The following GNG7 variants were observed in gnomAD, a reference collection of about 807,000 sequenced individuals.
GNG7 encodes the protein guanine nucleotide-binding protein G(I)/G(S)/G(O) subunit gamma-7.
In GNG7, 1 loss-of-function variant was observed where a neutral mutation model predicts 4.0. That is an observed-to-expected ratio of 0.25 (90% CI 0.09 to 1.18). The LOEUF (loss-of-function observed/expected upper bound fraction) is 1.18, where lower values mean the gene tolerates loss of function less well. Among genes scored for constraint, GNG7 ranks in the 50% most tolerant of loss-of-function variants. GNG7 has a pLI of 0.50. For missense variants in GNG7, 86 were observed against 91.9 expected (o/e 0.94, Z 0.26); for synonymous variants, 34 against 36.9 (o/e 0.92, Z 0.29).
At chr19:2,639,231 CA>C (rs61023034) in intron 2 of GNG7, among the ~76,000 whole-genome samples, 247 of 141,606 alleles carry the variant, frequency 1.7e-3, no homozygotes, top group Middle Eastern at 7.2e-3. Context: ...GAGACTCTGT[CA>C]AAAAAAAAAA....
intron 2 of GNG7, among the ~76,000 whole-genome samples, chr19:2,571,766 T>C (rs1476799815): frequency 3.3e-5 from 5 of 151,888 alleles, no homozygotes; most frequent in Non-Finnish European, 5.9e-5. Context: ...TGGCTAATTT[T>C]TGTATTTTCA....
At chr19:2,559,498 C>T (rs1979670609) in intron 2 of GNG7, among the ~76,000 whole-genome samples, 1 of 150,934 alleles carries the variant, frequency 6.6e-6, no homozygotes, top group Non-Finnish European at 1.5e-5. Context: ...ATTACAGGCA[C>T]CCACCACCAT....
chr19:2,599,453 G>C (rs1018758195), intron 2 of GNG7, among the ~76,000 whole-genome samples: 1 of 152,072 alleles, frequency 6.6e-6, no homozygotes, highest in Non-Finnish European at 1.5e-5. Flanking sequence ...TTTCCAGGAG[G>C]TGGAGGTGCG....
chr19:2,551,000 C>T (rs77079009), intron 3 of GNG7, among the ~76,000 whole-genome samples: 5,238 of 152,224 alleles, frequency 0.034, 119 homozygotes, highest in Non-Finnish European at 0.052. Context: ...CTCTTGTCAT[C>T]CCTCCCAGCA....
intron 1 of GNG7, among the ~76,000 whole-genome samples, chr19:2,663,490 C>T (rs1219173224): frequency 2.0e-5 from 3 of 152,092 alleles, no homozygotes; most frequent in African/African-American, 7.2e-5. Flanking sequence ...CGTTAAGAAA[C>T]AAATCTCTAT....
intron 3 of GNG7, 150 bp from the exon 4 acceptor site, chr19:2,520,875 T>C: frequency 1.8e-6 from 1 of 570,596 alleles, no homozygotes; most frequent in Non-Finnish European, 3.2e-6. Flanking sequence ...TACAAAGAGC[T>C]GGCACTCGTT....
intron 1 of GNG7, among the ~76,000 whole-genome samples, chr19:2,701,687 C>T (rs2144666678): frequency 6.6e-6 from 1 of 150,538 alleles, no homozygotes; most frequent in Admixed American, 6.6e-5. Context: ...CCAATGAACC[C>T]CACTTCAAAC....
chr19:2,558,121 G>A (rs185427370), intron 2 of GNG7, among the ~76,000 whole-genome samples: 6 of 152,068 alleles, frequency 3.9e-5, no homozygotes, highest in East Asian at 1.9e-4. Flanking sequence ...GATTACAGGC[G>A]TGAGCCACCG....
chr19:2,571,092 G>A (rs183229571), intron 2 of GNG7, among the ~76,000 whole-genome samples: 7 of 152,040 alleles, frequency 4.6e-5, no homozygotes, highest in East Asian at 3.9e-4. Context: ...GTGAGCCACC[G>A]TGCCCGGCGG....
chr19:2,566,157 CATAAATAA>C (rs1015318410), intron 2 of GNG7, among the ~76,000 whole-genome samples: 7 of 151,602 alleles, frequency 4.6e-5, no homozygotes, highest in African/African-American at 1.5e-4. Context: ...GACTCCGTCT[CATAAATAA>C]ATAAATAAAT....
intron 3 of GNG7, among the ~76,000 whole-genome samples, chr19:2,537,515 G>A (rs1333024027): frequency 1.3e-5 from 2 of 152,164 alleles, no homozygotes; most frequent in African/African-American, 4.8e-5. Context: ...GGCTGCAAGC[G>A]TGAGCCATGG....
At chr19:2,661,117 A>C (rs1005315852) in intron 1 of GNG7, among the ~76,000 whole-genome samples, 1 of 151,436 alleles carries the variant, frequency 6.6e-6, no homozygotes, top group South Asian at 2.1e-4. Context: ...AGGCTGAGAC[A>C]GGAGAATTAC....
chr19:2,622,086 T>C (rs892823555), intron 2 of GNG7, among the ~76,000 whole-genome samples: 2 of 122,816 alleles, frequency 1.6e-5, no homozygotes, highest in Admixed American at 7.3e-5. Context: ...TTTTTTTTTT[T>C]CTCTCTCTTT....
rs7254421 is a variant in GNG7 at position 2,541,645 on chromosome 19, G to A, written c.-38+13504C>T. On this transcript the variant is annotated intron_variant, in intron 3 of 4. Transcript: ENST00000382159. ...TAATCCCAGCTACTCAGGAGGCTGA[G>A]GCAGGAGAATCGCTTGAACCTGGGA... Among the ~76,000 whole-genome samples, 905 of 151,346 alleles carry A rather than the reference G, an allele frequency of 6.0e-3. 6 individuals are homozygous for A. Among genetic ancestry groups the A allele is most frequent in the African/African-American group, 0.021 (868 of 41,220 alleles).
At chr19:2,579,267 G>T (rs1483383946) in intron 2 of GNG7, among the ~76,000 whole-genome samples, 1 of 152,228 alleles carries the variant, frequency 6.6e-6, no homozygotes, top group Non-Finnish European at 1.5e-5. Context: ...CTGCCCCAGC[G>T]TAACCCAGAG....
At chr19:2,590,004 G>T (rs563144525) in intron 2 of GNG7, among the ~76,000 whole-genome samples, 9 of 152,242 alleles carry the variant, frequency 5.9e-5, no homozygotes, top group Non-Finnish European at 1.2e-4. Context: ...TAGAGACAGG[G>T]TTTCACCCTG....
At chr19:2,562,366 C>A (rs990478994) in intron 2 of GNG7, among the ~76,000 whole-genome samples, 7 of 151,988 alleles carry the variant, frequency 4.6e-5, no homozygotes, top group Non-Finnish European at 7.4e-5. Flanking sequence ...TCACTGCAAC[C>A]TCCGCCTCCC....
chr19:2,597,651 C>T (rs2144808465), intron 2 of GNG7, among the ~76,000 whole-genome samples: 1 of 151,548 alleles, frequency 6.6e-6, no homozygotes, highest in Admixed American at 6.6e-5. Flanking sequence ...AATCCCAGCA[C>T]TTTGGGAGGC....
In GNG7 at chr19:2,553,383, C is replaced by CAT. The variant is rs200287140; in HGVS notation, c.-38+1764_-38+1765dup. 2.4e-3 allele frequency among the ~76,000 whole-genome samples: 305 copies of CAT among 127,740 alleles called. 4 individuals carry two copies. Among genetic ancestry groups the CAT allele is most frequent in the South Asian group, 0.02 (85 of 4,262 alleles). The allele number at this position is 127,740 out of a possible 152,430, so 83.8% of individuals were successfully genotyped here. A position where few individuals can be genotyped will look rare whatever the true frequency, so the allele number is the denominator to read the frequency against. On this transcript the variant is annotated intron_variant, in intron 3 of 4. Coordinates refer to ENST00000382159, the MANE Select transcript of GNG7 (RefSeq NM_052847.3). Reference sequence around the variant, plus strand: ...ACTGACATGCCAGCATGGTGCTGAGCATATATATATATACATATATATATG... The same window carrying CAT: ...ACTGACATGCCAGCATGGTGCTGAGCATATATATATATATACATATATATATG...
Sources: allele counts gnomAD v4.1 joint callset (sites outside exome capture counted in the v4.1 genomes callset), GRCh38; gene constraint gnomAD v4.1.1; transcripts MANE v1.5; gene names NCBI Gene and HGNC (gene_info 2026-07-23, HGNC 2026-07-21).